The following MED15 variants were observed in gnomAD, a reference collection of about 807,000 sequenced individuals.
MED15 encodes mediator of RNA polymerase II transcription subunit 15.
A neutral mutation model predicts 118.7 loss-of-function variants in MED15; 41 were observed. The ratio of observed to expected loss-of-function variants is 0.35; its 90% confidence interval spans 0.27 to 0.45. The LOEUF (loss-of-function observed/expected upper bound fraction) is 0.45, where lower values mean the gene tolerates loss of function less well. MED15 is among the 20% of genes least tolerant of loss of function. MED15 has a pLI of 1.00. For missense variants in MED15, 740 were observed against 1,025.5 expected, an observed-to-expected ratio of 0.72 and a Z score of 3.80; for synonymous variants, 436 against 413.9, an observed-to-expected ratio of 1.05 and a Z score of -0.65.
chr22:20,557,250 C>T (rs1370085951), intron 5 of MED15, among the ~76,000 whole-genome samples: 1 of 152,164 alleles, frequency 6.6e-6, no homozygotes, highest in African/African-American at 2.4e-5. Flanking sequence ...TCCTCACACT[C>T]CTACCCTATC....
chr22:20,546,725 T>G (rs2146494439), intron 2 of MED15, among the ~76,000 whole-genome samples: 1 of 152,228 alleles, frequency 6.6e-6, no homozygotes, highest in African/African-American at 2.4e-5. Context: ...TGTCATTCAT[T>G]TTGATGCTTA....
intron 8 of MED15, among the ~76,000 whole-genome samples, chr22:20,571,804 T>C (rs1022498004): frequency 1.3e-5 from 2 of 152,158 alleles, no homozygotes; most frequent in East Asian, 3.9e-4. Flanking sequence ...CTAAAAACTT[T>C]AAAAGTATGT....
chr22:20,565,068 T>G (rs562829881), intron 6 of MED15, among the ~76,000 whole-genome samples: 1 of 152,290 alleles, frequency 6.6e-6, no homozygotes, highest in African/African-American at 2.4e-5. Flanking sequence ...GAGGTTGCAG[T>G]GAGCCGAGAT....
Position 20,555,136 on chromosome 22 carries a change from G to A in MED15, c.439G>A (p.Ala147Thr), listed in dbSNP as rs1461308071. 2 of 1,601,668 alleles carry A rather than the reference G, an allele frequency of 1.2e-6. No homozygotes were observed. ...APHSMAVVST[A>T]TPQTQLQLQQ... ...TCACAGCATGGCTGTCGTGTCTACG[G>A]CAACTCCACAGAGTGAGTACCACAC... Residue 147 changes from alanine to threonine, a missense_variant, in exon 5 of 18, where the codon GCA (alanine) becomes ACA (threonine). By Grantham distance (58) the Ala-to-Thr change is moderately conservative. Around this residue, in one of 7 missense-constraint regions of MED15, gnomAD observed 117 missense variants for 124.6 expected, o/e 0.94. Coordinates refer to ENST00000263205, the MANE Select transcript of MED15 (RefSeq NM_001003891.3).
At chr22:20,582,437 T>C in intron 9 of MED15, 174 bp from the exon 10 acceptor site, 1 of 1,040,932 alleles carries the variant, frequency 9.6e-7, no homozygotes, top group South Asian at 1.6e-5. Flanking sequence ...CCTCATGCTG[T>C]GTGCCAGGCT....
chr22:20,539,863 A>G (rs913601281), intron 2 of MED15, among the ~76,000 whole-genome samples: 1 of 152,062 alleles, frequency 6.6e-6, no homozygotes, highest in Non-Finnish European at 1.5e-5. Flanking sequence ...GGCCATTTGT[A>G]TATTTTCTTT....
chr22:20,539,216 A>C (rs923230901), intron 2 of MED15, among the ~76,000 whole-genome samples: 4 of 152,012 alleles, frequency 2.6e-5, no homozygotes, highest in African/African-American at 9.7e-5. Flanking sequence ...CTCCTGTCTC[A>C]GCCTCCTTAG....
At chr22:20,510,688 G>A (rs1350507178) in intron 1 of MED15, among the ~76,000 whole-genome samples, 2 of 152,096 alleles carry the variant, frequency 1.3e-5, no homozygotes, top group Admixed American at 6.6e-5. Context: ...TGCTTTTTAT[G>A]TGTCTCCCTC....
intron 9 of MED15, among the ~76,000 whole-genome samples, chr22:20,581,645 G>A (rs997061335): frequency 1.3e-5 from 2 of 152,146 alleles, no homozygotes; most frequent in Non-Finnish European, 2.9e-5. Flanking sequence ...CTCTAGGGGA[G>A]GCCAGACGCC....
intron 8 of MED15, 46 bp downstream of exon 8, chr22:20,568,677 T>C (rs1194878748): frequency 9.4e-6 from 15 of 1,595,830 alleles, no homozygotes; most frequent in East Asian, 2.3e-5. Flanking sequence ...AGCAGGTGCA[T>C]GTTCACCTGC....
At chr22:20,552,465 G>T in intron 3 of MED15, 1 of 368,224 alleles carries the variant, frequency 2.7e-6, no homozygotes, top group Non-Finnish European at 5.6e-6. Context: ...TCACTGGGAT[G>T]TGTAAGAGGA....
intron 1 of MED15, among the ~76,000 whole-genome samples, chr22:20,536,853 G>A (rs77859693): frequency 0.028 from 4,293 of 152,176 alleles, 209 homozygotes; most frequent in African/African-American, 0.096. Flanking sequence ...CCCCCGCCCC[G>A]TCCCTTCATG....
At chr22:20,582,220 T>C (rs2057007783) in intron 9 of MED15, 2 of 309,156 alleles carry the variant, frequency 6.5e-6, no homozygotes, top group Non-Finnish European at 1.2e-5. Context: ...CAGAGCAGGG[T>C]CCTCACCGAC....
intron 9 of MED15, among the ~76,000 whole-genome samples, chr22:20,581,471 A>C (rs1189621206): frequency 6.6e-6 from 1 of 151,958 alleles, no homozygotes; most frequent in African/African-American, 2.4e-5. Flanking sequence ...GCCCCAGGAG[A>C]AGCACTGAGT....
chr22:20,582,359 C>T lies in MED15; in HGVS notation c.1273-252C>T, dbSNP rs1263888676. 5.2e-6 allele frequency: 3 copies of T among 582,198 alleles called. No individual in the cohort carries two copies. The Admixed American group carries it at 9.5e-5, about 19-fold the overall frequency. 36.1% of individuals were successfully genotyped at this position (582,198 alleles called of 1,614,324 possible). A position where few individuals can be genotyped will look rare whatever the true frequency, so the allele number is the denominator to read the frequency against. On this transcript the variant is annotated intron_variant, in intron 9 of 17. Transcript: ENST00000263205. ...ACGACACAGCCCTCAAAGCCTGTGC[C>T]CCTGTGGGTCCCTGGCCAAGGAGCA...
chr22:20,559,562 C>T (rs964041255), intron 5 of MED15, among the ~76,000 whole-genome samples: 2 of 152,220 alleles, frequency 1.3e-5, no homozygotes, highest in Non-Finnish European at 2.9e-5. Flanking sequence ...TTAGCCATCT[C>T]ATCTGCTGTG....
At chr22:20,540,892 TCAACAACAA>T (rs34408752) in intron 2 of MED15, among the ~76,000 whole-genome samples, 19 of 149,876 alleles carry the variant, frequency 1.3e-4, no homozygotes, top group African/African-American at 2.2e-4. Flanking sequence ...CTCCTACAAC[TCAACAACAA>T]CAACAACAAC....
rs557266626 is a variant in MED15, at chr22:20,545,949, A to G, written c.157-5487A>G. On this transcript the variant is annotated intron_variant, in intron 2 of 17. Transcript: ENST00000263205. The stretch of plus-strand genomic sequence containing the variant: ...CTTGGCTGTCTCTGTGTCCCTCCTG[A>G]AGTGTCGAGGGCACATCCCCACCCT... 1.2e-4 allele frequency among the ~76,000 whole-genome samples: 18 copies of G among 152,240 alleles called. 1 individual carries two copies. Among genetic ancestry groups the G allele is most frequent in the Non-Finnish European group, 2.9e-5 (2 of 68,016 alleles).
rs1056069072 is a variant in MED15 at position 20,558,676 on chromosome 22, G to C, written c.451+3528G>C. Among the ~76,000 whole-genome samples, 23 of 152,106 alleles carry C rather than the reference G, an allele frequency of 1.5e-4. 1 individual carries two copies. Among genetic ancestry groups the C allele is most frequent in the Non-Finnish European group, 5.9e-5 (4 of 68,018 alleles). Reference sequence around the variant, plus strand: ...GCAGTTGGGGAGGCTTTGTCCTCCTGAGCCTCAGCTGCTGCAAGGTGGGGG... The same window carrying C: ...GCAGTTGGGGAGGCTTTGTCCTCCTCAGCCTCAGCTGCTGCAAGGTGGGGG... On this transcript the variant is annotated intron_variant, in intron 5 of 17. Transcript: ENST00000263205.
Sources: allele counts gnomAD v4.1 joint callset (sites outside exome capture counted in the v4.1 genomes callset), GRCh38; gene constraint gnomAD v4.1.1; regional missense constraint gnomAD v4.1.1; transcripts MANE v1.5; gene names NCBI Gene and HGNC (gene_info 2026-07-23, HGNC 2026-07-21).